DGKG: variants seen among roughly 807,000 people sequenced by gnomAD.
DGKG encodes the protein DAG kinase gamma.
Under a neutral mutation model 105.3 loss-of-function variants are expected in DGKG, and 78 were observed. That is an observed-to-expected ratio of 0.74 (90% CI 0.62 to 0.89). The LOEUF is 0.89. DGKG is among the 40% of genes least tolerant of loss of function. DGKG has a pLI of 0.00. For synonymous variants in DGKG, 346 were observed against 367.1 expected (o/e 0.94, Z 0.66); for missense variants, 958 against 1,020.1 (o/e 0.94, Z 0.83).
chr3:186,225,519 T>C (rs1209556647), intron 20 of DGKG, among the ~76,000 whole-genome samples: 3 of 152,184 alleles, frequency 2.0e-5, no homozygotes, highest in Non-Finnish European at 4.4e-5. Flanking sequence ...TTATTTGGCT[T>C]GCATGGTGGT....
intron 1 of DGKG, among the ~76,000 whole-genome samples, chr3:186,359,885 A>C (rs1299092135): frequency 1.3e-5 from 2 of 152,214 alleles, no homozygotes; most frequent in Non-Finnish European, 2.9e-5. Flanking sequence ...TTATACTAAA[A>C]GAGTACATTA....
chr3:186,170,112 G>T (rs1343960635), intron 22 of DGKG, among the ~76,000 whole-genome samples: 1 of 152,142 alleles, frequency 6.6e-6, no homozygotes, highest in African/African-American at 2.4e-5. Flanking sequence ...CTAGGCCAGT[G>T]GTTCCTAAAC....
At chr3:186,257,676 T>G in intron 17 of DGKG, 178 bp downstream of exon 17, 1 of 562,852 alleles carries the variant, frequency 1.8e-6, no homozygotes, top group Non-Finnish European at 3.1e-6. Context: ...TCGATTGTCT[T>G]ATTTCTTTTT....
At position 186,253,131 on chromosome 3, in the gene DGKG, G is replaced by A. The variant is rs1427930114; in HGVS notation, c.1562C>T (p.Thr521Ile). ...HPPVAVLPLG[T>I]GNDLARCLRW... The stretch of plus-strand genomic sequence containing the variant: ...GAGACAACGGGCAAGGTCATTTCCT[G>A]TTCCAAGAGGCAGGACAGCCACTGG... The change falls in exon 18 of 25, where the codon ACA (threonine) becomes ATA (isoleucine). Residue 521 changes from threonine to isoleucine, a missense_variant. Transcript: ENST00000265022. 6.2e-7 allele frequency: 1 copy of A among 1,614,224 alleles called. No homozygotes were observed. The highest frequency in any genetic ancestry group is 8.5e-7 in the Non-Finnish European group (1 of 1,180,044).
intron 22 of DGKG, among the ~76,000 whole-genome samples, chr3:186,169,752 G>A (rs1398214609): frequency 6.6e-6 from 1 of 152,210 alleles, no homozygotes; most frequent in East Asian, 1.9e-4. Context: ...TGTGCCTGCA[G>A]TTTGACTTAG....
intron 22 of DGKG, among the ~76,000 whole-genome samples, chr3:186,168,889 G>A (rs186892145): frequency 2.6e-5 from 4 of 152,260 alleles, no homozygotes; most frequent in Admixed American, 1.3e-4. Flanking sequence ...GCTGGGGAAC[G>A]GAATATGCAG....
chr3:186,216,424 G>T (rs550480794), intron 20 of DGKG, among the ~76,000 whole-genome samples: 1 of 152,084 alleles, frequency 6.6e-6, no homozygotes, highest in South Asian at 2.1e-4. Flanking sequence ...GCACTTTTTG[G>T]CTAGAAGTGA....
At chr3:186,211,659 G>C in intron 21 of DGKG, 136 bp downstream of exon 21, 2 of 656,148 alleles carry the variant, frequency 3.0e-6, no homozygotes, top group South Asian at 3.6e-5. Context: ...AGGTGTTTTG[G>C]AACAGGATGG....
At position 186,253,130 on chromosome 3, in the gene DGKG, T is replaced by G; in HGVS notation, c.1563A>C (p.Thr521=). The G allele has an allele frequency of 6.2e-7, 1 of 1,614,226 alleles. No homozygotes were observed. Residue 521 remains threonine (T), a synonymous_variant, in exon 18 of 25, where the codon ACA becomes ACC. Coordinates refer to ENST00000265022, the MANE Select transcript of DGKG (RefSeq NM_001346.3). ...HPPVAVLPLG[T]GNDLARCLRW... ...GGAGACAACGGGCAAGGTCATTTCC[T>G]GTTCCAAGAGGCAGGACAGCCACTG...
intron 2 of DGKG, among the ~76,000 whole-genome samples, chr3:186,309,093 G>C (rs1174984100): frequency 6.6e-6 from 1 of 152,066 alleles, no homozygotes; most frequent in Non-Finnish European, 1.5e-5. Flanking sequence ...TGTAATTAAG[G>C]GTGACACAAT....
chr3:186,214,189 G>A (rs993937876), intron 20 of DGKG, among the ~76,000 whole-genome samples: 3 of 152,178 alleles, frequency 2.0e-5, no homozygotes, highest in African/African-American at 4.8e-5. Flanking sequence ...GGTCAGCATC[G>A]CAGAATAACT....
chr3:186,262,592 G>A (rs1721828083), intron 14 of DGKG, among the ~76,000 whole-genome samples: 1 of 152,148 alleles, frequency 6.6e-6, no homozygotes, highest in Non-Finnish European at 1.5e-5. Flanking sequence ...AGGAGGATTT[G>A]GATTTTGTGG....
chr3:186,306,907 T>C lies in DGKG; in HGVS notation c.138A>G (p.Pro46=), dbSNP rs1369904507. 3 of 1,604,972 alleles carry C rather than the reference T, an allele frequency of 1.9e-6. No individual in the cohort carries two copies. Among genetic ancestry groups the C allele is most frequent in the African/African-American group, 2.7e-5 (2 of 74,708 alleles). Residue 46 remains proline, a synonymous_variant, in exon 3 of 25, where the codon CCA becomes CCG. Transcript: ENST00000265022. ...AAAATGGAAATGTTCTTACCTCATG[T>C]GGGTCATATTGTTTGAGGCTCCCAC... ...NEGGSLKQYD[P]HEPISYDVFK...
intron 20 of DGKG, among the ~76,000 whole-genome samples, chr3:186,227,402 G>T (rs1200722278): frequency 6.6e-6 from 1 of 152,096 alleles, no homozygotes; most frequent in Admixed American, 6.5e-5. Context: ...CTTTCCCAAT[G>T]GCACACAGTA....
chr3:186,149,101 G>A lies in DGKG; in HGVS notation c.*989C>T, dbSNP rs539846018. The A allele has an allele frequency of 3.0e-6, 3 of 984,836 alleles. No individual in the cohort carries two copies. The South Asian group carries it at 1.4e-4, about 46-fold the overall frequency. The allele number at this position is 984,836 out of a possible 1,614,324, so 61.0% of individuals were successfully genotyped here. ...GAGTGGTGAGTGCAAAGAAGCAGGAGGGAACCGTCTCCTGGTTTCCCCAGC... is the reference window on the plus strand; with the variant it reads ...GAGTGGTGAGTGCAAAGAAGCAGGAAGGAACCGTCTCCTGGTTTCCCCAGC... On this transcript the variant is annotated 3_prime_UTR_variant, in exon 25 of 25. Transcript: ENST00000265022.
intron 22 of DGKG, among the ~76,000 whole-genome samples, chr3:186,186,229 A>G (rs1371624998): frequency 2.6e-5 from 4 of 152,106 alleles, no homozygotes; most frequent in Non-Finnish European, 5.9e-5. Context: ...CGGGTGTGAA[A>G]CAAGAGAATA....
At chr3:186,299,821 C>CTTTCTTTCT (rs1723808832) in intron 3 of DGKG, among the ~76,000 whole-genome samples, 4 of 99,408 alleles carry the variant, frequency 4.0e-5, no homozygotes, top group African/African-American at 1.5e-4. Flanking sequence ...TTCTTTCTTT[C>CTTTCTTTCT]TTTCTTTCTT....
Position 186,346,290 on chromosome 3 carries a change from C to G in DGKG, c.-249+15656G>C, listed in dbSNP as rs144487841. On this transcript the variant is annotated intron_variant, in intron 1 of 24. Transcript: ENST00000265022. ...CATATTTCATTCACATCTTTGAATA[C>G]CATTTTTCATTTTCATCTCAGCTTT... Among the ~76,000 whole-genome samples, 7 of 152,266 alleles carry G rather than the reference C, an allele frequency of 4.6e-5. No individual in the cohort carries two copies. The South Asian group carries it at 1.5e-3, about 32-fold the overall frequency.
Position 186,320,417 on chromosome 3 carries a change from C to T in DGKG, c.43G>A (p.Asp15Asn), listed in dbSNP as rs757844985. 1.9e-6 allele frequency: 3 copies of T among 1,614,058 alleles called. No individual in the cohort carries two copies. The highest frequency in any genetic ancestry group is 2.7e-5 in the African/African-American group (2 of 74,928). Reference protein sequence around the residue: ...RWVSLTPEEFDQLQKYSEYSS... With the variant: ...RWVSLTPEEFNQLQKYSEYSS... The stretch of plus-strand genomic sequence containing the variant: ...CATTCTGAATATTTCTGGAGTTGGT[C>T]AAATTCTTCTGGAGTGAGGGAGACC... The change falls in exon 2 of 25, where the codon GAC (aspartate) becomes AAC (asparagine). Residue 15 changes from aspartate to asparagine, a missense_variant. This residue lies in a region of DGKG where 643 missense variants were observed against 619.5 expected (regional missense o/e 1.04). Transcript: ENST00000265022.
Sources: gnomAD v4.1 joint callset for allele counts (sites outside exome capture counted in the v4.1 genomes callset) on GRCh38, gnomAD v4.1.1 for gene constraint, gnomAD v4.1.1 regional missense constraint, MANE v1.5 for transcripts, NCBI Gene and HGNC (gene_info 2026-07-23, HGNC 2026-07-21) for gene names.